The following ROBO2 variants were observed in gnomAD, a reference collection of about 807,000 sequenced individuals.
ROBO2 encodes the protein roundabout guidance receptor 2.
In ROBO2, 53 loss-of-function variants were observed where a neutral mutation model predicts 160.8. That is an observed-to-expected ratio of 0.33 (90% CI 0.26 to 0.41). ROBO2 has a LOEUF of 0.41. Ranked by LOEUF, ROBO2 falls within the 10% of genes least tolerant of loss-of-function variation. ROBO2 has a pLI of 1.00. For missense variants in ROBO2, 1,577 were observed against 1,722.4 expected (o/e 0.92, Z 1.49); for synonymous variants, 664 against 611.7 (o/e 1.09, Z -1.26).
intron 2 of ROBO2, among the ~76,000 whole-genome samples, chr3:77,360,846 T>A (rs552849551): frequency 1.3e-5 from 2 of 151,982 alleles, no homozygotes; most frequent in Non-Finnish European, 2.9e-5. Context: ...TTGGGAAGCA[T>A]CCAAAGGTTT....
intron 2 of ROBO2, among the ~76,000 whole-genome samples, chr3:77,137,285 G>A (rs2076354719): frequency 6.6e-6 from 1 of 152,128 alleles, no homozygotes; most frequent in Non-Finnish European, 1.5e-5. Context: ...GGCGTGCAAT[G>A]GTGTGATCTC....
chr3:77,265,813 C>T (rs2059085590), intron 2 of ROBO2, among the ~76,000 whole-genome samples: 1 of 152,096 alleles, frequency 6.6e-6, no homozygotes. Context: ...CTAAATCATG[C>T]CTGTTCCTAT....
intron 2 of ROBO2, among the ~76,000 whole-genome samples, chr3:77,188,154 TA>T (rs988507232): frequency 5.9e-5 from 9 of 151,630 alleles, no homozygotes; most frequent in African/African-American, 1.7e-4. Flanking sequence ...TCAGTGTTAC[TA>T]AAAAAAAGAA....
chr3:76,718,351 G>A (rs925044508), intron 2 of ROBO2, among the ~76,000 whole-genome samples: 3 of 152,126 alleles, frequency 2.0e-5, no homozygotes, highest in African/African-American at 7.2e-5. Flanking sequence ...CATTCTCACC[G>A]ATGAATTTTA....
At chr3:77,138,173 G>A (rs1407344184) in intron 2 of ROBO2, among the ~76,000 whole-genome samples, 1 of 152,082 alleles carries the variant, frequency 6.6e-6, no homozygotes, top group Non-Finnish European at 1.5e-5. Context: ...AGCAATTTTA[G>A]TTTCTCACTA....
intron 2 of ROBO2, among the ~76,000 whole-genome samples, chr3:76,035,416 C>CTGTT (rs570542524): frequency 2.3e-5 from 3 of 129,342 alleles, no homozygotes; most frequent in South Asian, 2.2e-4. Flanking sequence ...GTATGATTCT[C>CTGTT]TGTTTGTTTG....
intron 2 of ROBO2, among the ~76,000 whole-genome samples, chr3:76,293,744 GGATTA>G (rs1360382614): frequency 4.6e-5 from 7 of 152,180 alleles, no homozygotes; most frequent in Non-Finnish European, 1.0e-4. Flanking sequence ...GGATTTGATA[GGATTA>G]GAACTTCCTT....
chr3:77,360,192 G>A (rs541653672), intron 2 of ROBO2, among the ~76,000 whole-genome samples: 63 of 152,062 alleles, frequency 4.1e-4, no homozygotes, highest in Admixed American at 9.2e-4. Context: ...GGGCCGGCGG[G>A]GAGTGCTTAA....
intron 2 of ROBO2, among the ~76,000 whole-genome samples, chr3:77,452,897 T>C (rs960800349): frequency 6.6e-6 from 1 of 152,186 alleles, no homozygotes; most frequent in African/African-American, 2.4e-5. Context: ...TAATGTTTTT[T>C]GCAGTTTTCA....
intron 2 of ROBO2, among the ~76,000 whole-genome samples, chr3:77,291,269 G>C (rs2061206256): frequency 6.6e-6 from 1 of 152,008 alleles, no homozygotes; most frequent in African/African-American, 2.4e-5. Flanking sequence ...GGTAAGCTGA[G>C]GCTAGATCAC....
intron 2 of ROBO2, among the ~76,000 whole-genome samples, chr3:77,374,655 T>A (rs1483145808): frequency 1.3e-5 from 2 of 152,206 alleles, no homozygotes; most frequent in African/African-American, 4.8e-5. Context: ...GTCTAAGTGC[T>A]ATTTTCTGAT....
In ROBO2 at chr3:77,102,362, T is replaced by G. The variant is rs768929748; in HGVS notation, c.388+4022T>G. Among the ~76,000 whole-genome samples, 4 of 152,144 alleles carry G rather than the reference T, an allele frequency of 2.6e-5. No homozygotes were observed. The East Asian group carries it at 7.7e-4, about 29-fold the overall frequency. ...TGTTTAGACATACCTCTGGCGTTTG[T>G]TCACAAGGTGCCAATGGGATTCTCC... On this transcript the variant is annotated intron_variant, in intron 2 of 25. Coordinates refer to ENST00000461745, the Ensembl canonical transcript of ROBO2.
At chr3:77,221,399 G>T (rs1002723832) in intron 2 of ROBO2, among the ~76,000 whole-genome samples, 1 of 152,188 alleles carries the variant, frequency 6.6e-6, no homozygotes, top group African/African-American at 2.4e-5. Context: ...TTAAAAAGAG[G>T]CTTTTGTTTT....
chr3:76,651,548 C>T (rs2091258467), intron 2 of ROBO2, among the ~76,000 whole-genome samples: 1 of 151,562 alleles, frequency 6.6e-6, no homozygotes, highest in Non-Finnish European at 1.5e-5. Flanking sequence ...TGACTAGTAG[C>T]TCAATGTATA....
At position 77,565,044 on chromosome 3, in the gene ROBO2, C is replaced by T. The variant is rs374520209; in HGVS notation, c.1773C>T (p.Tyr591=). The change falls in exon 12 of 26, where the codon TAC becomes TAT. Residue 591 remains tyrosine (Y), a synonymous_variant. Coordinates refer to ENST00000461745, the Ensembl canonical transcript of ROBO2. ...GAGGACTGCGGCCCAATACAATCTA[C>T]TTATTCATGGTCAGAGCGATCAACC... 11 of 1,613,644 alleles carry T rather than the reference C, an allele frequency of 6.8e-6. No homozygotes were observed. In the African/African-American group the frequency reaches 1.5e-4, roughly 22 times the overall value.
At chr3:76,049,761 G>T (rs1559867558) in intron 2 of ROBO2, among the ~76,000 whole-genome samples, 1 of 152,064 alleles carries the variant, frequency 6.6e-6, no homozygotes, top group Non-Finnish European at 1.5e-5. Flanking sequence ...AAACAAGGAA[G>T]ATATGTGTGT....
At chr3:75,937,024 A>T (rs563864905) in intron 1 of ROBO2, among the ~76,000 whole-genome samples, 78 of 152,232 alleles carry the variant, frequency 5.1e-4, no homozygotes, top group Non-Finnish European at 9.0e-4. Context: ...AAACTTGAGA[A>T]TATTTTCAAA....
chr3:77,347,886 C>A (rs2067845720), intron 2 of ROBO2, among the ~76,000 whole-genome samples: 2 of 152,180 alleles, frequency 1.3e-5, no homozygotes, highest in Admixed American at 6.5e-5. Context: ...TTTTAGACCT[C>A]ATTTTCTATC....
intron 2 of ROBO2, among the ~76,000 whole-genome samples, chr3:76,623,206 T>C (rs1578635036): frequency 6.6e-6 from 1 of 152,172 alleles, no homozygotes; most frequent in African/African-American, 2.4e-5. Context: ...ACATTTGGGG[T>C]GTACTGAGGG....
Sources: allele counts gnomAD v4.1 joint callset (sites outside exome capture counted in the v4.1 genomes callset), GRCh38; gene constraint gnomAD v4.1.1; transcripts MANE v1.5; gene names NCBI Gene and HGNC (gene_info 2026-07-23, HGNC 2026-07-21).